Variants in TTC3 observed in about 807,000 individuals in gnomAD.
The protein encoded by TTC3 is tetratricopeptide repeat domain 3, also known as E3 ubiquitin-protein ligase TTC3.
Under a neutral mutation model 249.6 loss-of-function variants are expected in TTC3, and 180 were observed. The observed-to-expected ratio is 0.72, with a 90% confidence interval of 0.64 to 0.82. TTC3 has a LOEUF of 0.82. Among genes scored for constraint, TTC3 ranks in the 40% least tolerant of loss-of-function variants. The pLI, the probability that TTC3 is intolerant of heterozygous loss-of-function variation, is 0.00. For synonymous variants in TTC3, 717 were observed against 805.0 expected (o/e 0.89, Z 1.85); for missense variants, 2,061 against 2,398.4 (o/e 0.86, Z 2.94).
intron 21 of TTC3, among the ~76,000 whole-genome samples, chr21:37,145,714 T>G (rs1433771073): frequency 6.6e-6 from 1 of 152,182 alleles, no homozygotes; most frequent in Non-Finnish European, 1.5e-5. Flanking sequence ...CACCTGCTGG[T>G]GAAGGCCTTC....
At chr21:37,088,081 T>TG in intron 3 of TTC3, 115 bp from the exon 4 acceptor site, 1 of 1,021,692 alleles carries the variant, frequency 9.8e-7, no homozygotes, top group Non-Finnish European at 1.4e-6. Context: ...GCTAGAATAC[T>TG]TCATTCATTC....
exon 46 of TTC3, chr21:37,202,497 CCCA>C (rs1299423626): frequency 6.6e-6 from 1 of 152,248 alleles, no homozygotes; most frequent in Non-Finnish European, 1.5e-5. Flanking sequence ...CCTTCCCCAC[CCCA>C]CCACAAAAAG....
At chr21:37,121,708 TA>T in intron 11 of TTC3, 108 bp from the exon 12 acceptor site, 1 of 1,052,120 alleles carries the variant, frequency 9.5e-7, no homozygotes, top group Non-Finnish European at 1.3e-6. Flanking sequence ...GGACCTAATC[TA>T]ATATTTTAAG....
intron 28 of TTC3, chr21:37,157,352 G>T: frequency 2.5e-6 from 1 of 399,726 alleles, no homozygotes; most frequent in Non-Finnish European, 4.5e-6. Flanking sequence ...AAAGTAGGTT[G>T]TGGCACAGCT....
Position 37,143,297 on chromosome 21 carries a change from G to A in TTC3, c.1773-1228G>A, listed in dbSNP as rs888163819. On this transcript the variant is annotated intron_variant, in intron 20 of 45. Transcript: ENST00000355666. ...TGCACAGCAAAAGAAACTACCATCA[G>A]AGTGAACAGGCAACCTACAGAATGG... Among the ~76,000 whole-genome samples, 8 of 152,234 alleles carry A rather than the reference G, an allele frequency of 5.3e-5. No homozygotes were observed. In the South Asian group the frequency reaches 1.7e-3, roughly 32 times the overall value.
At chr21:37,088,422 A>G (rs1043930739) in intron 4 of TTC3, 76 bp downstream of exon 4, 37 of 1,516,888 alleles carry the variant, frequency 2.4e-5, no homozygotes, top group Middle Eastern at 1.8e-4. Flanking sequence ...TGCAAGTTCA[A>G]TGGAAGGCTT....
chr21:37,192,873 T>C (rs2084359069), intron 41 of TTC3, among the ~76,000 whole-genome samples: 1 of 152,234 alleles, frequency 6.6e-6, no homozygotes. Flanking sequence ...TTGTGGACTT[T>C]ACAACATGGC....
intron 35 of TTC3, 35 bp downstream of exon 35, chr21:37,172,779 T>C (rs1264073709): frequency 1.2e-6 from 2 of 1,609,186 alleles, no homozygotes; most frequent in Non-Finnish European, 1.7e-6. Flanking sequence ...TAATTGCATG[T>C]AGCATAGTTA....
chr21:37,114,926 G>A (rs943618083), intron 11 of TTC3, among the ~76,000 whole-genome samples: 3 of 151,958 alleles, frequency 2.0e-5, no homozygotes, highest in African/African-American at 7.3e-5. Flanking sequence ...GCAAACTGTT[G>A]CAGGGACAAA....
intron 42 of TTC3, among the ~76,000 whole-genome samples, chr21:37,197,312 TGA>T (rs2085024578): frequency 6.6e-6 from 1 of 151,668 alleles, no homozygotes; most frequent in Non-Finnish European, 1.5e-5. Context: ...CGCTTGAACC[TGA>T]GAGGCAGAGG....
chr21:37,119,278 A>G (rs924689974), intron 11 of TTC3, among the ~76,000 whole-genome samples: 5 of 152,158 alleles, frequency 3.3e-5, no homozygotes, highest in Non-Finnish European at 7.3e-5. Flanking sequence ...CCACTACTGA[A>G]GCAAAACTTT....
chr21:37,146,076 A>G (rs1210669598), intron 21 of TTC3, among the ~76,000 whole-genome samples: 1 of 152,234 alleles, frequency 6.6e-6, no homozygotes, highest in African/African-American at 2.4e-5. Flanking sequence ...ATGAATGTTC[A>G]TAGCAGCATT....
Position 37,135,529 on chromosome 21 carries a change from T to A in TTC3, c.1578+15T>A. On this transcript the variant is annotated intron_variant, in intron 18 of 45. Coordinates refer to ENST00000355666, the Ensembl canonical transcript of TTC3. The stretch of plus-strand genomic sequence containing the variant: ...AAAAAATAAAGGTAAATTTGCCATA[T>A]CATAACTTGTTTATCAATGCTAATG... 1 of 1,609,148 alleles carries A rather than the reference T, an allele frequency of 6.2e-7. No individual in the cohort carries two copies. Among genetic ancestry groups the A allele is most frequent in the Non-Finnish European group, 8.5e-7 (1 of 1,177,162 alleles).
intron 11 of TTC3, among the ~76,000 whole-genome samples, chr21:37,116,912 T>A (rs908429304): frequency 6.6e-6 from 1 of 152,144 alleles, no homozygotes; most frequent in Admixed American, 6.5e-5. Flanking sequence ...TTACGTAATT[T>A]AAAAAAAGCT....
At position 37,160,876 on chromosome 21, in the gene TTC3, T is replaced by G. The variant is rs1569102227; in HGVS notation, c.3096+18T>G. The G allele has an allele frequency of 6.2e-7, 1 of 1,609,650 alleles. No homozygotes were observed. The highest frequency in any genetic ancestry group is 8.5e-7 in the Non-Finnish European group (1 of 1,177,994). Reference sequence around the variant, plus strand: ...ATTCAAAGGTATGGAGTATTTTCTGTATTAATTCTTGTCTAAACTCTCCAA... The same window carrying G: ...ATTCAAAGGTATGGAGTATTTTCTGGATTAATTCTTGTCTAAACTCTCCAA... On this transcript the variant is annotated intron_variant, in intron 30 of 45. Transcript: ENST00000355666.
At chr21:37,165,724 A>T (rs1434662763) in exon 33 of TTC3, 15 of 1,613,578 alleles carry the variant, frequency 9.3e-6, no homozygotes, top group Non-Finnish European at 1.3e-5. Flanking sequence ...ACTGTATTGC[A>T]CTGAAGAAGG....
At chr21:37,115,144 C>T (rs974500226) in intron 11 of TTC3, among the ~76,000 whole-genome samples, 4 of 147,666 alleles carry the variant, frequency 2.7e-5, no homozygotes, top group Non-Finnish European at 5.9e-5. Context: ...CAAACCTGCA[C>T]GTTGTGCACA....
chr21:37,200,392 G>T, intron 45 of TTC3, 68 bp downstream of exon 45: 2 of 1,503,540 alleles, frequency 1.3e-6, no homozygotes, highest in East Asian at 4.6e-5. Flanking sequence ...AAATAAGAAA[G>T]GAATTGTTTT....
chr21:37,171,142 C>T (rs2148104625), intron 34 of TTC3, among the ~76,000 whole-genome samples: 1 of 152,228 alleles, frequency 6.6e-6, no homozygotes, highest in Admixed American at 6.5e-5. Context: ...TTATAGTGAA[C>T]ATTTTGGCCT....
Sources: gnomAD v4.1 joint callset for allele counts (sites outside exome capture counted in the v4.1 genomes callset) on GRCh38, gnomAD v4.1.1 for gene constraint, MANE v1.5 for transcripts, NCBI Gene and HGNC (gene_info 2026-07-23, HGNC 2026-07-21) for gene names.